NTN5: variants seen among roughly 807,000 people sequenced by gnomAD.
The protein encoded by NTN5 is netrin 5.
In NTN5, 42 loss-of-function variants were observed where a neutral mutation model predicts 38.7. The ratio of observed to expected loss-of-function variants is 1.08; its 90% CI spans 0.85 to 1.40. The LOEUF (loss-of-function observed/expected upper bound fraction) is 1.40, where lower values mean the gene tolerates loss of function less well. Among genes scored for constraint, NTN5 ranks in the 40% most tolerant of loss-of-function variants. The pLI, the probability that NTN5 is intolerant of heterozygous loss-of-function variation, is 0.00. For missense variants in NTN5, 658 were observed against 716.5 expected (o/e 0.92, Z 0.93); for synonymous variants, 329 against 303.9 (o/e 1.08, Z -0.86).
At position 48,666,677 on chromosome 19, in the gene NTN5, CTTTTT is replaced by C. The variant is rs35638493; in HGVS notation, c.632-1915_632-1911del. Among the ~76,000 whole-genome samples, 211 of 41,160 alleles carry C rather than the reference CTTTTT, an allele frequency of 5.1e-3. 1 individual carries two copies. The highest frequency in any genetic ancestry group is 0.02 in the African/African-American group (182 of 8,962). 27.0% of individuals were successfully genotyped at this position (41,160 alleles called of 152,430 possible). On this transcript the variant is annotated intron_variant, in intron 2 of 6. Coordinates refer to ENST00000270235, the MANE Select transcript of NTN5 (RefSeq NM_145807.4). ...TGATACAGGGGGTTCACAGACCACTCTTTTTTTTTTTTTTTTTTTTTTTTTTGAGA... is the reference window on the plus strand; with the variant it reads ...TGATACAGGGGGTTCACAGACCACTCTTTTTTTTTTTTTTTTTTTTTGAGA...
chr19:48,670,814 C>G lies in NTN5; in HGVS notation c.173G>C (p.Arg58Thr), dbSNP rs761820771. 9.3e-6 allele frequency: 15 copies of G among 1,613,134 alleles called. No individual in the cohort carries two copies. The highest frequency in any genetic ancestry group is 1.3e-5 in the Non-Finnish European group (15 of 1,179,982). ...AGTCAGGCTGCCATTGCAGGTTTCC[C>G]TGGCGCCAAGGTGGTTTCCTGGGGA... is the stretch of plus-strand genomic sequence containing the variant. ...ALSPGNHLGA[R>T]ETCNGSLTLA... The change falls in exon 2 of 7, where the codon AGG becomes ACG. Residue 58 changes from arginine (R) to threonine (T), a missense_variant. Coordinates refer to ENST00000270235, the MANE Select transcript of NTN5 (RefSeq NM_145807.4).
rs1314636002 is a variant in NTN5 at position 48,669,570 on chromosome 19, C to CCACCAT, written c.631+780_631+785dup. 3.9e-3 allele frequency among the ~76,000 whole-genome samples: 67 copies of CCACCAT among 17,296 alleles called. 10 individuals carry two copies. Among genetic ancestry groups the CCACCAT allele is most frequent in the Non-Finnish European group, 5.9e-3 (53 of 9,030 alleles). The allele number at this position is 17,296 out of a possible 152,430, so 11.3% of individuals were successfully genotyped here. On this transcript the variant is annotated intron_variant, in intron 2 of 6. Transcript: ENST00000270235. ...ACCACCACCATCACCACCACCATCA[C>CCACCAT]CACCATCACCACCACGACCACCATC...
At chr19:48,664,958 G>A (rs2031660172) in intron 2 of NTN5, among the ~76,000 whole-genome samples, 191 bp from the exon 3 acceptor site, 1 of 151,932 alleles carries the variant, frequency 6.6e-6, no homozygotes, top group Non-Finnish European at 1.5e-5. Flanking sequence ...TGTCACCCAG[G>A]CTGGAGTGCA....
In NTN5 at chr19:48,661,863, G is replaced by A; in HGVS notation, c.1284C>T (p.Asp428=). 1 of 1,343,510 alleles carries A rather than the reference G, an allele frequency of 7.4e-7. No individual in the cohort carries two copies. The allele number at this position is 1,343,510 out of a possible 1,614,324, so 83.2% of individuals were successfully genotyped here. A position where few individuals can be genotyped will look rare whatever the true frequency, so the allele number is the denominator to read the frequency against. The change falls in exon 7 of 7, where the codon GAC becomes GAT. Residue 428 remains aspartate (D), a synonymous_variant. Transcript: ENST00000270235. ...CCACGGCGCTGCCCAGCAGCAGGTA[G>A]TCGGTGCCTGGCTGCAGGCGCAGGC... ...CGCLRLQPGT[D]YLLLGSAVGD... is the part of the protein sequence containing the mutation.
chr19:48,667,868 A>G (rs1467721846), intron 2 of NTN5, among the ~76,000 whole-genome samples: 2 of 152,064 alleles, frequency 1.3e-5, no homozygotes, highest in African/African-American at 4.8e-5. Context: ...AAGAAAAAAA[A>G]AAGAAATAGA....
Position 48,664,572 on chromosome 19 carries a change from C to T in NTN5, c.820+7G>A. 1 of 1,604,714 alleles carries T rather than the reference C, an allele frequency of 6.2e-7. No individual in the cohort carries two copies. The highest frequency in any genetic ancestry group is 8.5e-7 in the Non-Finnish European group (1 of 1,175,320). On this transcript the variant is annotated splice_region_variant and intron_variant, in intron 3 of 6. Coordinates refer to ENST00000270235, the MANE Select transcript of NTN5 (RefSeq NM_145807.4). The stretch of plus-strand genomic sequence containing the variant: ...TCCCCCCAGGCCTGTCTGCAGGCCA[C>T]ACTCACCTCTGCAGGCCCTGCGGCT...
Position 48,661,742 on chromosome 19 carries a change from C to A in NTN5, c.1405G>T (p.Glu469Ter). 6.5e-7 allele frequency: 1 copy of A among 1,528,928 alleles called. No homozygotes were observed. The highest frequency in any genetic ancestry group is 1.2e-5 in the South Asian group (1 of 83,826). 94.7% of individuals were successfully genotyped at this position (1,528,928 alleles called of 1,614,324 possible). The change falls in exon 7 of 7, where the codon GAG becomes TAG. Residue 469 changes from glutamate (E) to a stop codon, truncating the protein, a stop_gained. Transcript: ENST00000270235. LOFTEE classifies it low-confidence loss of function (END_TRUNC). ...CCGCGGCAGCCTCCGGCGCGCTCCTCCTGCTGCAGCCGCTTCAGGGGCCGG... is the reference window on the plus strand; with the variant it reads ...CCGCGGCAGCCTCCGGCGCGCTCCTACTGCTGCAGCCGCTTCAGGGGCCGG... Reference protein sequence around the residue: ...WARPLKRLQQEERAGGCRGVR... With the variant: ...WARPLKRLQQ
chr19:48,670,513 C>G lies in NTN5; in HGVS notation c.474G>C (p.Gln158His). The change falls in exon 2 of 7, where the codon CAG (glutamine) becomes CAC (histidine). Residue 158 changes from glutamine to histidine, a missense_variant. Coordinates refer to ENST00000270235, the MANE Select transcript of NTN5 (RefSeq NM_145807.4). ...CACAGCGGGCAGCGTGGCCATGACACTGGCAGCGGCCTCTCAGCCCAGCTG... is the reference window on the plus strand; with the variant it reads ...CACAGCGGGCAGCGTGGCCATGACAGTGGCAGCGGCCTCTCAGCCCAGCTG... ...LAAAGLRGRCQCHGHAARCAA... is the reference protein window; with the variant it reads ...LAAAGLRGRCHCHGHAARCAA... The G allele has an allele frequency of 6.7e-7, 1 of 1,484,720 alleles. No individual in the cohort carries two copies. The highest frequency in any genetic ancestry group is 9.0e-7 in the Non-Finnish European group (1 of 1,115,526). The allele number at this position is 1,484,720 out of a possible 1,614,324, so 92.0% of individuals were successfully genotyped here.
intron 2 of NTN5, among the ~76,000 whole-genome samples, chr19:48,670,054 CACCACCATCACCACCATCATCACCATT>C (rs2031913116): frequency 6.7e-6 from 1 of 148,930 alleles, no homozygotes; most frequent in Non-Finnish European, 1.5e-5. Context: ...CCATTATCAC[CACCACCATCACCACCATCATCACCATT>C]ACCACCATCA....
At position 48,664,783 on chromosome 19, in the gene NTN5, G is replaced by A; in HGVS notation, c.632-16C>T. The A allele has an allele frequency of 6.6e-7, 1 of 1,524,014 alleles. No individual in the cohort carries two copies. Among genetic ancestry groups the A allele is most frequent in the Non-Finnish European group, 8.8e-7 (1 of 1,134,474 alleles). 94.4% of individuals were successfully genotyped at this position (1,524,014 alleles called of 1,614,324 possible). On this transcript the variant is annotated splice_polypyrimidine_tract_variant and intron_variant, in intron 2 of 6. Coordinates refer to ENST00000270235, the MANE Select transcript of NTN5 (RefSeq NM_145807.4). ...CAGGAGCAGGCTAGGAGCAAAATGG[G>A]GTGGGGGCGCATCAGGGCCGAGTGT...
intron 3 of NTN5, 63 bp downstream of exon 3, chr19:48,664,516 C>G: frequency 6.7e-7 from 1 of 1,483,200 alleles, no homozygotes; most frequent in Non-Finnish European, 9.0e-7. Context: ...CCCCTCCTCC[C>G]TCAGCCCCAG....
rs779193976 is a variant in NTN5, at chr19:48,670,624, C to G, written c.363G>C (p.Val121=). The change falls in exon 2 of 7, where the codon GTG becomes GTC. Residue 121 remains valine (V), a synonymous_variant. Coordinates refer to ENST00000270235, the MANE Select transcript of NTN5 (RefSeq NM_145807.4). ...WPGALGGPER[V]TFHSTPGPKA... ...TAGGACCTGGTGTGGAGTGGAAGGT[C>G]ACCCTTTCAGGGCCCCCTAAGGCCC... 140 of 1,599,906 alleles carry G rather than the reference C, an allele frequency of 8.8e-5. No homozygotes were observed. The highest frequency in any genetic ancestry group is 1.1e-4 in the Non-Finnish European group (134 of 1,174,104).
intron 2 of NTN5, among the ~76,000 whole-genome samples, chr19:48,665,548 C>T (rs1319076873): frequency 2.0e-5 from 3 of 151,548 alleles, no homozygotes; most frequent in Admixed American, 2.0e-4. Context: ...CATCCAGGCA[C>T]GATGGCTCGT....
At chr19:48,665,427 C>A (rs1270802314) in intron 2 of NTN5, among the ~76,000 whole-genome samples, 3 of 146,422 alleles carry the variant, frequency 2.0e-5, no homozygotes, top group African/African-American at 7.6e-5. Flanking sequence ...AGGAGCAAGA[C>A]TCCATCTCAA....
Position 48,663,412 on chromosome 19 carries a change from TCATCAGAACCAGCTGTGTAGCCTTCAG to T in NTN5, c.1105+24_1105+50del, listed in dbSNP as rs763985285. ...CAGAAAGGGGGTGGCTTAGAAGCAG[TCATCAGAACCAGCTGTGTAGCCTTCAG>T]CTGTCTGTCTCCCCAGCACTCACCA... On this transcript the variant is annotated intron_variant, in intron 6 of 6. Coordinates refer to ENST00000270235, the MANE Select transcript of NTN5 (RefSeq NM_145807.4). 2.2e-5 allele frequency: 33 copies of T among 1,512,546 alleles called. No homozygotes were observed. In the African/African-American group the frequency reaches 2.2e-4, roughly 10 times the overall value. 93.7% of individuals were successfully genotyped at this position (1,512,546 alleles called of 1,614,324 possible). A position where few individuals can be genotyped will look rare whatever the true frequency, so the allele number is the denominator to read the frequency against.
At chr19:48,666,304 G>C (rs953281990) in intron 2 of NTN5, among the ~76,000 whole-genome samples, 2 of 152,190 alleles carry the variant, frequency 1.3e-5, no homozygotes, top group Admixed American at 1.3e-4. Flanking sequence ...CGTTTGTCAG[G>C]TGTTTTAAGG....
At chr19:48,664,913 T>C in intron 2 of NTN5, 146 bp from the exon 3 acceptor site, 1 of 621,688 alleles carries the variant, frequency 1.6e-6, no homozygotes, top group Non-Finnish European at 2.5e-6. Context: ...GACATCTCTA[T>C]TATTATCTTT....
chr19:48,672,545 C>T (rs893814591), intron 1 of NTN5, among the ~76,000 whole-genome samples: 23 of 152,224 alleles, frequency 1.5e-4, no homozygotes, highest in African/African-American at 5.5e-4. Context: ...GCCCTCCGCC[C>T]TCCCAAGGAG....
At chr19:48,663,692 C>T (rs776399043) in intron 5 of NTN5, 69 bp downstream of exon 5, 6 of 1,545,720 alleles carry the variant, frequency 3.9e-6, no homozygotes, top group Non-Finnish European at 5.4e-6. Context: ...GTATCCCCAT[C>T]TGGGGACCCA....
Sources: allele counts gnomAD v4.1 joint callset (sites outside exome capture counted in the v4.1 genomes callset), GRCh38; gene constraint gnomAD v4.1.1; transcripts MANE v1.5; gene names NCBI Gene and HGNC (gene_info 2026-07-23, HGNC 2026-07-21).